Variants in DTNA observed in about 807,000 individuals in gnomAD.
The protein encoded by DTNA is dystrophin-related protein 3.
In DTNA, 43 loss-of-function variants were observed where a neutral mutation model predicts 100.7. That is an observed-to-expected ratio of 0.43 (90% CI 0.33 to 0.55). The LOEUF is 0.55. Among genes scored for constraint, DTNA ranks in the 20% least tolerant of loss-of-function variants. DTNA has a pLI of 0.04. For synonymous variants in DTNA, 349 were observed against 347.9 expected (o/e 1.00, Z -0.04); for missense variants, 798 against 953.9 (o/e 0.84, Z 2.15).
chr18:34,709,158 A>G (rs925131784), upstream of DTNA, among the ~76,000 whole-genome samples: 1 of 152,210 alleles, frequency 6.6e-6, no homozygotes, highest in East Asian at 1.9e-4. Flanking sequence ...ATCTTTATCC[A>G]TTGAAGAAGT....
At chr18:34,726,497 A>T (rs1363538459) in intron 1 of DTNA, among the ~76,000 whole-genome samples, 1 of 152,344 alleles carries the variant, frequency 6.6e-6, no homozygotes, top group East Asian at 1.9e-4. Context: ...CAACGACAGT[A>T]ATACTACAGG....
intron 1 of DTNA, among the ~76,000 whole-genome samples, chr18:34,539,304 A>T (rs2044024850): frequency 6.6e-6 from 1 of 152,000 alleles, no homozygotes; most frequent in South Asian, 2.1e-4. Context: ...TCCAAGGAAG[A>T]CAAATTTGCA....
chr18:34,611,019 G>T (rs2054111043), intron 1 of DTNA, among the ~76,000 whole-genome samples: 1 of 152,292 alleles, frequency 6.6e-6, no homozygotes, highest in South Asian at 2.1e-4. Flanking sequence ...AAAAGGCTAA[G>T]ACAGAAACAT....
At chr18:34,589,470 G>C (rs976130982) in intron 1 of DTNA, among the ~76,000 whole-genome samples, 1 of 151,950 alleles carries the variant, frequency 6.6e-6, no homozygotes, top group Admixed American at 6.6e-5. Flanking sequence ...TTAGCTGGGC[G>C]TGGTGGTGGG....
At chr18:34,875,538 C>A in intron 18 of DTNA, 140 bp downstream of exon 18, 1 of 1,311,246 alleles carries the variant, frequency 7.6e-7, no homozygotes, top group Non-Finnish European at 1.1e-6. Context: ...CCTGGCCTGC[C>A]AGCCATTTTG....
chr18:34,674,864 T>C (rs1363570499), intron 1 of DTNA, among the ~76,000 whole-genome samples: 1 of 152,132 alleles, frequency 6.6e-6, no homozygotes, highest in African/African-American at 2.4e-5. Context: ...TTTTAAATGA[T>C]AACAGGTGCT....
At chr18:34,858,728 C>G (rs544294322) in intron 16 of DTNA, among the ~76,000 whole-genome samples, 1 of 152,326 alleles carries the variant, frequency 6.6e-6, no homozygotes, top group South Asian at 2.1e-4. Flanking sequence ...TCTCCTGTCT[C>G]AGCCTCCCAA....
intron 1 of DTNA, among the ~76,000 whole-genome samples, chr18:34,542,194 T>C: frequency 6.6e-6 from 1 of 152,216 alleles, no homozygotes; most frequent in Middle Eastern, 3.4e-3. Flanking sequence ...TTGCCTTATA[T>C]TGTAGTAAGT....
chr18:34,623,138 C>T (rs983998555), intron 1 of DTNA, among the ~76,000 whole-genome samples: 1 of 152,188 alleles, frequency 6.6e-6, no homozygotes, highest in Admixed American at 6.5e-5. Context: ...GCACCATTCA[C>T]ATGGAATACA....
chr18:34,807,108 C>CTGA, intron 5 of DTNA, among the ~76,000 whole-genome samples: 1 of 152,296 alleles, frequency 6.6e-6, no homozygotes, highest in Middle Eastern at 3.4e-3. Context: ...CCAAGAATTT[C>CTGA]TGACTCAGTA....
chr18:34,836,419 G>T (rs1175602825), intron 11 of DTNA, among the ~76,000 whole-genome samples: 2 of 152,106 alleles, frequency 1.3e-5, no homozygotes, highest in Admixed American at 1.3e-4. Flanking sequence ...TTGGGAGGCC[G>T]AGGGGGGCAG....
chr18:34,604,055 G>A (rs980367830), intron 1 of DTNA, among the ~76,000 whole-genome samples: 4 of 152,160 alleles, frequency 2.6e-5, no homozygotes, highest in African/African-American at 9.7e-5. Context: ...GTTGTGAGGT[G>A]TTATGACCAT....
At chr18:34,613,607 A>G (rs1310104728) in intron 1 of DTNA, among the ~76,000 whole-genome samples, 1 of 152,230 alleles carries the variant, frequency 6.6e-6, no homozygotes, top group Non-Finnish European at 1.5e-5. Context: ...AATTTTACCC[A>G]TCTGGGAGGA....
At chr18:34,519,907 C>G (rs1228548322) in intron 1 of DTNA, among the ~76,000 whole-genome samples, 4 of 152,102 alleles carry the variant, frequency 2.6e-5, no homozygotes, top group Non-Finnish European at 5.9e-5. Context: ...GGTTTAAGCC[C>G]CTAGGTTCTC....
chr18:34,501,888 C>G (rs1184411667), intron 1 of DTNA, among the ~76,000 whole-genome samples: 1 of 152,210 alleles, frequency 6.6e-6, no homozygotes, highest in African/African-American at 2.4e-5. Flanking sequence ...CAAATTTCCT[C>G]TTTTTGTAAG....
chr18:34,741,696 A>G (rs2090677598), intron 1 of DTNA, among the ~76,000 whole-genome samples: 1 of 152,192 alleles, frequency 6.6e-6, no homozygotes, highest in Admixed American at 6.5e-5. Context: ...TTTCTGTTTT[A>G]TGCTGGCATT....
At chr18:34,633,273 A>G (rs1460747524) in intron 1 of DTNA, among the ~76,000 whole-genome samples, 2 of 152,166 alleles carry the variant, frequency 1.3e-5, no homozygotes, top group African/African-American at 4.8e-5. Flanking sequence ...TTTGAAATCT[A>G]AAGTCGGTGA....
chr18:34,842,205 A>G (rs2096281280), intron 13 of DTNA, among the ~76,000 whole-genome samples: 1 of 152,100 alleles, frequency 6.6e-6, no homozygotes, highest in East Asian at 1.9e-4. Flanking sequence ...TAACATTGTC[A>G]CTTGATTAGA....
chr18:34,784,511 C>T (rs181155037), intron 3 of DTNA, among the ~76,000 whole-genome samples: 22 of 152,306 alleles, frequency 1.4e-4, no homozygotes, highest in African/African-American at 5.3e-4. Context: ...TTTTAGGAAT[C>T]AACTTGAGCC....
Sources: gnomAD v4.1 joint callset for allele counts (sites outside exome capture counted in the v4.1 genomes callset) on GRCh38, gnomAD v4.1.1 for gene constraint, MANE v1.5 for transcripts, NCBI Gene and HGNC (gene_info 2026-07-23, HGNC 2026-07-21) for gene names.